Variants in DIS3L2 observed in about 807,000 individuals in gnomAD.
DIS3L2 encodes the protein DIS3-like exonuclease 2.
In DIS3L2, 34 loss-of-function variants were observed where a neutral mutation model predicts 97.5. The ratio of observed to expected loss-of-function variants is 0.35; its 90% CI spans 0.27 to 0.46. The LOEUF (loss-of-function observed/expected upper bound fraction) is 0.46, where lower values mean the gene tolerates loss of function less well. Ranked by LOEUF, DIS3L2 falls within the 20% of genes least tolerant of loss-of-function variation. The pLI, the probability that DIS3L2 is intolerant of heterozygous loss-of-function variation, is 1.00. For missense variants in DIS3L2, 1,038 were observed against 1,146.0 expected, an observed-to-expected ratio of 0.91 and a Z score of 1.36; for synonymous variants, 435 against 445.2, an observed-to-expected ratio of 0.98 and a Z score of 0.29.
chr2:232,066,576 G>C, intron 5 of DIS3L2, among the ~76,000 whole-genome samples: 1 of 151,892 alleles, frequency 6.6e-6, no homozygotes, highest in East Asian at 1.9e-4. Flanking sequence ...AATAATACTG[G>C]TCTCATAAAG....
intron 5 of DIS3L2, among the ~76,000 whole-genome samples, chr2:232,043,026 C>T (rs935879210): frequency 6.6e-6 from 1 of 152,178 alleles, no homozygotes; most frequent in Non-Finnish European, 1.5e-5. Flanking sequence ...CATTTACTGA[C>T]AGAAGACAAA....
intron 12 of DIS3L2, among the ~76,000 whole-genome samples, chr2:232,256,687 A>T (rs1309100398): frequency 6.6e-6 from 1 of 152,152 alleles, no homozygotes; most frequent in African/African-American, 2.4e-5. Flanking sequence ...GCCAACTTCA[A>T]CTGCTGAGGT....
chr2:232,329,785 T>TGCCCGGGGCCC, intron 14 of DIS3L2, 28 bp from the exon 15 acceptor site: 3 of 967,142 alleles, frequency 3.1e-6, no homozygotes, highest in South Asian at 2.1e-5. Context: ...ACCCCAGCGG[T>TGCCCGGGGCCC]CCCTCCCATC....
Position 232,336,639 on chromosome 2 carries a change from A to G in DIS3L2, c.*9A>G. ...ACTCAAGCACCAGCTGAGCTCCACC[A>G]GCCGCCTGCCCCGCCTGCCCCGCCT... On this transcript the variant is annotated 3_prime_UTR_variant, in exon 21 of 21. Transcript: ENST00000325385. 1 of 1,555,406 alleles carries G rather than the reference A, an allele frequency of 6.4e-7. No homozygotes were observed. Among genetic ancestry groups the G allele is most frequent in the South Asian group, 1.2e-5 (1 of 85,162 alleles).
intron 1 of DIS3L2, among the ~76,000 whole-genome samples, chr2:231,977,905 A>G (rs1005742437): frequency 6.6e-6 from 1 of 152,082 alleles, no homozygotes; most frequent in African/African-American, 2.4e-5. Flanking sequence ...GTCTGAAGTG[A>G]TTGTCAGTGG....
At chr2:232,301,984 C>T (rs1384954533) in intron 14 of DIS3L2, among the ~76,000 whole-genome samples, 1 of 151,884 alleles carries the variant, frequency 6.6e-6, no homozygotes, top group Non-Finnish European at 1.5e-5. Flanking sequence ...CAGCCTAGCT[C>T]TGTGTCTTGG....
chr2:232,069,485 C>T (rs1695949546), intron 5 of DIS3L2, among the ~76,000 whole-genome samples: 1 of 152,142 alleles, frequency 6.6e-6, no homozygotes, highest in Non-Finnish European at 1.5e-5. Flanking sequence ...AAGGAAGCTT[C>T]AACTTTATTC....
At chr2:232,322,533 A>C (rs923832008) in intron 14 of DIS3L2, among the ~76,000 whole-genome samples, 2 of 151,984 alleles carry the variant, frequency 1.3e-5, no homozygotes, top group African/African-American at 4.8e-5. Context: ...TGCAGAGACC[A>C]CTCTACGCTT....
chr2:232,241,953 C>T lies in DIS3L2; in HGVS notation c.1317+3308C>T, dbSNP rs537998618. ...GTGAAAGTTCGCCCATAAATCTCTA[C>T]GATATTTTATTGGTACTGCTTTATA... On this transcript the variant is annotated intron_variant, in intron 11 of 20. Coordinates refer to ENST00000325385, the MANE Select transcript of DIS3L2 (RefSeq NM_152383.5). Among the ~76,000 whole-genome samples the T allele has an allele frequency of 5.3e-5, 8 of 152,262 alleles. No homozygotes were observed. The East Asian group carries it at 5.8e-4, about 11-fold the overall frequency.
intron 5 of DIS3L2, among the ~76,000 whole-genome samples, chr2:232,052,087 G>A (rs1266591657): frequency 6.6e-6 from 1 of 151,072 alleles, no homozygotes; most frequent in Non-Finnish European, 1.5e-5. Context: ...GCAGTGGTGC[G>A]ATTTTGGCTC....
At chr2:232,303,667 T>G (rs1334059926) in intron 14 of DIS3L2, among the ~76,000 whole-genome samples, 3 of 150,994 alleles carry the variant, frequency 2.0e-5, no homozygotes, top group Non-Finnish European at 4.4e-5. Context: ...TCAAATGGAA[T>G]GGCCCGGAAA....
intron 8 of DIS3L2, among the ~76,000 whole-genome samples, chr2:232,147,389 A>G (rs1019302651): frequency 3.3e-5 from 5 of 152,170 alleles, no homozygotes; most frequent in African/African-American, 7.2e-5. Context: ...CTCTTAACCA[A>G]TATTGATACA....
intron 8 of DIS3L2, among the ~76,000 whole-genome samples, chr2:232,141,975 T>A (rs1424305033): frequency 6.6e-6 from 1 of 152,142 alleles, no homozygotes; most frequent in African/African-American, 2.4e-5. Flanking sequence ...AAGAAATTAG[T>A]TTGTTTCATT....
chr2:232,280,334 A>T (rs926340056), intron 13 of DIS3L2, among the ~76,000 whole-genome samples: 2 of 152,176 alleles, frequency 1.3e-5, no homozygotes, highest in Non-Finnish European at 2.9e-5. Context: ...CTGGCTTAAG[A>T]TTTGGCATCA....
At chr2:232,221,935 C>G (rs1040057759) in intron 10 of DIS3L2, among the ~76,000 whole-genome samples, 1 of 151,928 alleles carries the variant, frequency 6.6e-6, no homozygotes, top group African/African-American at 2.4e-5. Context: ...CATGCGAAGT[C>G]ATTTCATTTC....
chr2:232,210,065 A>AT (rs1169562809), intron 9 of DIS3L2, among the ~76,000 whole-genome samples: 1 of 152,130 alleles, frequency 6.6e-6, no homozygotes, highest in Non-Finnish European at 1.5e-5. Flanking sequence ...AAGCAGCCTG[A>AT]TTTTCACCCA....
At chr2:232,329,785 T>TGCCGGGGGGGGCCGCCCC in intron 14 of DIS3L2, 28 bp from the exon 15 acceptor site, 1 of 967,144 alleles carries the variant, frequency 1.0e-6, no homozygotes, top group African/African-American at 1.7e-5. Flanking sequence ...ACCCCAGCGG[T>TGCCGGGGGGGGCCGCCCC]CCCTCCCATC....
rs878855226 is a variant in DIS3L2 at position 232,030,089 on chromosome 2, A to T, written c.366+9A>T. 19 of 1,607,840 alleles carry T rather than the reference A, an allele frequency of 1.2e-5. No homozygotes were observed. The highest frequency in any genetic ancestry group is 1.5e-5 in the Non-Finnish European group (18 of 1,176,750). Reference sequence around the variant, plus strand: ...CCGAGGAGCATTGGAAGGTGAGTTAAGTTTTCCCTTTCTAATTACAGATTT... The same window carrying T: ...CCGAGGAGCATTGGAAGGTGAGTTATGTTTTCCCTTTCTAATTACAGATTT... On this transcript the variant is annotated intron_variant, in intron 5 of 20. Transcript: ENST00000325385.
rs1690720298 is a variant in DIS3L2 at position 232,163,613 on chromosome 2, A to C, written c.1105A>C (p.Ser369Arg). The C allele has an allele frequency of 1.9e-6, 3 of 1,613,556 alleles. No individual in the cohort carries two copies. Among genetic ancestry groups the C allele is most frequent in the Admixed American group, 3.3e-5 (2 of 60,000 alleles). Residue 369 changes from serine to arginine, a missense_variant, in exon 9 of 21, where the codon AGC becomes CGC. By Grantham distance (110) the Ser-to-Arg change is moderately radical. Coordinates refer to ENST00000325385, the MANE Select transcript of DIS3L2 (RefSeq NM_152383.5). ...LPWTIPPEEFSKRRDLRKDCI... is the reference protein window; with the variant it reads ...LPWTIPPEEFRKRRDLRKDCI... ...ATGGACAATTCCACCAGAGGAGTTC[A>C]GCAAGAGAAGGGATTTAAGGTAAGC... is the stretch of plus-strand genomic sequence containing the variant.
Sources: allele counts gnomAD v4.1 joint callset (sites outside exome capture counted in the v4.1 genomes callset), GRCh38; gene constraint gnomAD v4.1.1; transcripts MANE v1.5; gene names NCBI Gene and HGNC (gene_info 2026-07-23, HGNC 2026-07-21).